ARHGAP39: variants seen among roughly 807,000 people sequenced by gnomAD.
ARHGAP39 encodes the protein Rho GTPase activating protein 39.
A neutral mutation model predicts 106.9 loss-of-function variants in ARHGAP39; 44 were observed. The observed-to-expected ratio is 0.41, with a 90% CI of 0.32 to 0.53. ARHGAP39 has a LOEUF of 0.53. ARHGAP39 is among the 20% of genes least tolerant of loss of function. ARHGAP39 has a pLI of 0.21. For missense variants in ARHGAP39, 1,496 were observed against 1,577.3 expected (o/e 0.95, Z 0.87); for synonymous variants, 768 against 693.2 (o/e 1.11, Z -1.69).
chr8:144,532,599 C>T (rs986649708), intron 9 of ARHGAP39, among the ~76,000 whole-genome samples: 5 of 152,214 alleles, frequency 3.3e-5, no homozygotes, highest in East Asian at 1.9e-4. Flanking sequence ...CACCTGCGTC[C>T]GAGTGTGGTG....
At position 144,532,348 on chromosome 8, in the gene ARHGAP39, G is replaced by C. The variant is rs777679326; in HGVS notation, c.2937C>G (p.Asp979Glu). The C allele has an allele frequency of 2.5e-6, 4 of 1,612,580 alleles. No homozygotes were observed. In the East Asian group the frequency reaches 6.7e-5, roughly 27 times the overall value. The part of the protein sequence containing the change: ...DEVNALKLQV[D>E]QWKVPTGLED... ...CCAGGCCTGTGGGCACCTTCCACTGGTCCACCTGCAGCTTCAGGGCATTCA... is the reference window on the plus strand; with the variant it reads ...CCAGGCCTGTGGGCACCTTCCACTGCTCCACCTGCAGCTTCAGGGCATTCA... Residue 979 changes from aspartate (D) to glutamate (E), a missense_variant, in exon 10 of 12, where the codon GAC becomes GAG. By Grantham distance (45) the Asp-to-Glu change is conservative. Coordinates refer to ENST00000377307, the MANE Select transcript of ARHGAP39 (RefSeq NM_025251.3).
chr8:144,558,539 T>G (rs1818028708), intron 3 of ARHGAP39, among the ~76,000 whole-genome samples: 1 of 151,928 alleles, frequency 6.6e-6, no homozygotes, highest in South Asian at 2.1e-4. Context: ...GTGATCCACC[T>G]GCCTTGGCCT....
intron 1 of ARHGAP39, among the ~76,000 whole-genome samples, chr8:144,623,975 G>T (rs1820872407): frequency 6.6e-6 from 1 of 152,236 alleles, no homozygotes; most frequent in African/African-American, 2.4e-5. Context: ...GACCATGCTT[G>T]GCATCAGCAG....
the ARHGAP39 span, among the ~76,000 whole-genome samples, chr8:144,696,340 C>T: frequency 2.0e-5 from 3 of 149,740 alleles, no homozygotes; most frequent in Admixed American, 1.3e-4. Context: ...GGTTTCGCCA[C>T]GTTGCCCAGG....
Position 144,606,651 on chromosome 8 carries a change from TGCG to T in ARHGAP39, c.-81-959_-81-957del, listed in dbSNP as rs566163663. 8.6e-5 allele frequency among the ~76,000 whole-genome samples: 13 copies of T among 151,874 alleles called. No homozygotes were observed. The East Asian group carries it at 2.3e-3, about 27-fold the overall frequency. Reference sequence around the variant, plus strand: ...AGGAGGTGACGGTGGAGGAGGTGACTGCGGAGGAGGAGGAGGAAAGTAAGACAT... The same window carrying T: ...AGGAGGTGACGGTGGAGGAGGTGACTGAGGAGGAGGAGGAAAGTAAGACAT... On this transcript the variant is annotated intron_variant, in intron 1 of 11. Transcript: ENST00000377307.
intron 1 of ARHGAP39, among the ~76,000 whole-genome samples, chr8:144,637,776 C>G (rs962632165): frequency 1.3e-5 from 2 of 151,998 alleles, no homozygotes; most frequent in Admixed American, 1.3e-4. Flanking sequence ...TCATGCCTCA[C>G]AGCAACCTCA....
At chr8:144,637,894 T>C (rs1821215009) in intron 1 of ARHGAP39, among the ~76,000 whole-genome samples, 1 of 151,474 alleles carries the variant, frequency 6.6e-6, no homozygotes, top group South Asian at 2.1e-4. Context: ...GGGGTCTTGC[T>C]ATGTTGCTTA....
chr8:144,530,648 G>GC (rs768860100), intron 11 of ARHGAP39, 32 bp from the exon 12 acceptor site: 1 of 1,532,644 alleles, frequency 6.5e-7, no homozygotes, highest in South Asian at 1.2e-5. Flanking sequence ...GCGCGGAGGG[G>GC]CGGGGGCGGG....
intron 2 of ARHGAP39, among the ~76,000 whole-genome samples, chr8:144,596,779 C>T (rs1252288897): frequency 1.3e-5 from 2 of 152,212 alleles, no homozygotes; most frequent in Admixed American, 6.5e-5. Context: ...CCCACTGGTG[C>T]CGCAGGACCT....
chr8:144,652,472 C>A lies in ARHGAP39; in HGVS notation c.-82+33214G>T, dbSNP rs184465989. 5.7e-3 allele frequency among the ~76,000 whole-genome samples: 861 copies of A among 152,248 alleles called. 7 individuals are homozygous for A. The highest frequency in any genetic ancestry group is 9.5e-3 in the Non-Finnish European group (647 of 68,018). On this transcript the variant is annotated intron_variant, in intron 1 of 11. Coordinates refer to ENST00000377307, the MANE Select transcript of ARHGAP39 (RefSeq NM_025251.3). Reference sequence around the variant, plus strand: ...GATACATGCACATGAATGTTCACTGCAGCACTATTCACAATAGCAAAGATA... The same window carrying A: ...GATACATGCACATGAATGTTCACTGAAGCACTATTCACAATAGCAAAGATA...
rs1164917478 is a variant in ARHGAP39 at position 144,603,564 on chromosome 8, C to T, written c.80+1971G>A. ...AATTAGCCGGGCGTGGTGGTGCGCA[C>T]CTGTAATCCCAGCTACTCAGGAGGC... On this transcript the variant is annotated intron_variant, in intron 2 of 11. Transcript: ENST00000377307. Among the ~76,000 whole-genome samples the T allele has an allele frequency of 2.0e-5, 3 of 151,892 alleles. No individual in the cohort carries two copies. The East Asian group carries it at 5.8e-4, about 29-fold the overall frequency.
chr8:144,543,846 T>C (rs1167935877), intron 6 of ARHGAP39: 2 of 152,062 alleles, frequency 1.3e-5, no homozygotes, highest in Non-Finnish European at 2.9e-5. Flanking sequence ...CAGGCCTTTG[T>C]CTGGCTGTCT....
intron 2 of ARHGAP39, among the ~76,000 whole-genome samples, chr8:144,598,036 G>A (rs535688268): frequency 3.2e-4 from 48 of 152,342 alleles, no homozygotes; most frequent in African/African-American, 1.1e-3. Context: ...AGGAAGCCAC[G>A]CAGACCCACC....
chr8:144,668,497 T>C (rs1435107808), intron 1 of ARHGAP39, among the ~76,000 whole-genome samples: 1 of 152,084 alleles, frequency 6.6e-6, no homozygotes, highest in Non-Finnish European at 1.5e-5. Flanking sequence ...AGGAAGTATT[T>C]TTTAGAAGAC....
In ARHGAP39 at chr8:144,530,004, CCAGGACGAGGA is replaced by C. The variant is rs1437520781; in HGVS notation, c.*407_*417del. ...TCTCGGGGCTGGGAAGAGCTGCAGG[CCAGGACGAGGA>C]CAGGAGAAAGGGAAGGAGAGACCGG... is the stretch of plus-strand genomic sequence containing the variant. On this transcript the variant is annotated 3_prime_UTR_variant, in exon 12 of 12. Transcript: ENST00000377307. 14 of 179,886 alleles carry C rather than the reference CCAGGACGAGGA, an allele frequency of 7.8e-5. No individual in the cohort carries two copies. Among genetic ancestry groups the C allele is most frequent in the Non-Finnish European group, 1.4e-4 (12 of 86,238 alleles). 11.1% of individuals were successfully genotyped at this position (179,886 alleles called of 1,614,324 possible). A position where few individuals can be genotyped will look rare whatever the true frequency, so the allele number is the denominator to read the frequency against.
chr8:144,639,739 C>T (rs1431006622), intron 1 of ARHGAP39, among the ~76,000 whole-genome samples: 1 of 152,172 alleles, frequency 6.6e-6, no homozygotes, highest in East Asian at 1.9e-4. Flanking sequence ...GAGCAGAGCA[C>T]GTGCTGCGTG....
chr8:144,654,925 A>C (rs1194741059), intron 1 of ARHGAP39, among the ~76,000 whole-genome samples: 1 of 152,010 alleles, frequency 6.6e-6, no homozygotes, highest in African/African-American at 2.4e-5. Flanking sequence ...AGCAGGCAGG[A>C]GCCCCACCCC....
At chr8:144,568,521 T>G (rs936012092) in intron 3 of ARHGAP39, among the ~76,000 whole-genome samples, 1 of 152,020 alleles carries the variant, frequency 6.6e-6, no homozygotes, top group African/African-American at 2.4e-5. Context: ...AAACAGGAAC[T>G]GTGTGGGGTG....
rs750824171 is a variant in ARHGAP39, at chr8:144,545,487, G to A, written c.2283C>T (p.Ala761=). The A allele has an allele frequency of 1.2e-6, 2 of 1,603,472 alleles. No individual in the cohort carries two copies. Among genetic ancestry groups the A allele is most frequent in the African/African-American group, 1.3e-5 (1 of 74,852 alleles). Reference sequence around the variant, plus strand: ...CCTCCAGGGCCACGTGCAGTGGGTCGGCCTTGGCCCGCCGGTCACCCATGT... The same window carrying A: ...CCTCCAGGGCCACGTGCAGTGGGTCAGCCTTGGCCCGCCGGTCACCCATGT... ...QMYMGDRRAK[A]DPLHVALEVA... Residue 761 remains alanine, a synonymous_variant, in exon 6 of 12, where the codon GCC becomes GCT. Transcript: ENST00000377307.
Sources: allele counts gnomAD v4.1 joint callset (sites outside exome capture counted in the v4.1 genomes callset), GRCh38; gene constraint gnomAD v4.1.1; transcripts MANE v1.5; gene names NCBI Gene and HGNC (gene_info 2026-07-23, HGNC 2026-07-21).